The following THSD7A variants were observed in gnomAD, a reference collection of about 807,000 sequenced individuals.
THSD7A encodes thrombospondin type 1 domain containing 7A.
THSD7A carries 96 observed loss-of-function variants against 231.3 expected under a neutral mutation model. The observed-to-expected ratio is 0.41, with a 90% CI of 0.35 to 0.49. The LOEUF is 0.49. Ranked by LOEUF, THSD7A falls within the 20% of genes least tolerant of loss-of-function variation. THSD7A has a pLI of 0.05. For synonymous variants in THSD7A, 940 were observed against 743.3 expected, an observed-to-expected ratio of 1.26 and a Z score of -4.30; for missense variants, 2,290 against 2,070.2, an observed-to-expected ratio of 1.11 and a Z score of -2.06.
chr7:11,763,816 T>G (rs910229499), intron 1 of THSD7A, among the ~76,000 whole-genome samples: 1 of 152,182 alleles, frequency 6.6e-6, no homozygotes, highest in Non-Finnish European at 1.5e-5. Context: ...TATTTATTGC[T>G]CATTTCCTCA....
intron 1 of THSD7A, among the ~76,000 whole-genome samples, chr7:11,719,017 G>C (rs1189342635): frequency 6.6e-6 from 1 of 151,606 alleles, no homozygotes; most frequent in Non-Finnish European, 1.5e-5. Flanking sequence ...GAAAAAAGAA[G>C]AGCAGGACTA....
At chr7:11,475,935 CTTTTTT>C (rs553018024) in intron 7 of THSD7A, among the ~76,000 whole-genome samples, 3 of 110,770 alleles carry the variant, frequency 2.7e-5, no homozygotes, top group African/African-American at 1.0e-4. Context: ...AAATACTTTC[CTTTTTT>C]TTTTTTTTTT....
chr7:11,517,652 C>T (rs753203923), intron 6 of THSD7A, among the ~76,000 whole-genome samples: 1 of 152,086 alleles, frequency 6.6e-6, no homozygotes, highest in Non-Finnish European at 1.5e-5. Flanking sequence ...ACAACTACAC[C>T]ATTTTTAACA....
At chr7:11,722,985 C>A (rs929021107) in intron 1 of THSD7A, among the ~76,000 whole-genome samples, 1 of 151,766 alleles carries the variant, frequency 6.6e-6, no homozygotes, top group Non-Finnish European at 1.5e-5. Flanking sequence ...GGGTATATAC[C>A]CAAAGGATTA....
chr7:11,490,312 T>A (rs964958452), intron 6 of THSD7A, among the ~76,000 whole-genome samples: 1 of 152,130 alleles, frequency 6.6e-6, no homozygotes. Flanking sequence ...ATCATAACTT[T>A]GCATTTTCTT....
chr7:11,712,844 T>C (rs1781011754), intron 1 of THSD7A, among the ~76,000 whole-genome samples: 1 of 151,094 alleles, frequency 6.6e-6, no homozygotes, highest in Non-Finnish European at 1.5e-5. Flanking sequence ...CAAGTTTTCT[T>C]AAAATGTAAG....
At chr7:11,497,946 C>T (rs1052967073) in intron 6 of THSD7A, among the ~76,000 whole-genome samples, 3 of 152,108 alleles carry the variant, frequency 2.0e-5, no homozygotes, top group African/African-American at 7.2e-5. Context: ...CTTTGCAACC[C>T]TTGGGTTAGG....
intron 1 of THSD7A, among the ~76,000 whole-genome samples, chr7:11,803,511 T>C (rs1784329470): frequency 6.6e-6 from 1 of 151,928 alleles, no homozygotes; most frequent in Admixed American, 6.6e-5. Flanking sequence ...AGCTATGAGA[T>C]TGAGAGAGAG....
At chr7:11,436,046 T>A (rs1784623032) in intron 13 of THSD7A, among the ~76,000 whole-genome samples, 1 of 152,098 alleles carries the variant, frequency 6.6e-6, no homozygotes, top group African/African-American at 2.4e-5. Context: ...TCAACCATAA[T>A]AACAAACCTT....
chr7:11,693,161 A>C (rs1257364781), intron 1 of THSD7A, among the ~76,000 whole-genome samples: 3 of 151,582 alleles, frequency 2.0e-5, no homozygotes, highest in Non-Finnish European at 4.4e-5. Context: ...TTAAAGTAGG[A>C]AAAAAATAGT....
At chr7:11,688,475 A>T (rs943593583) in intron 1 of THSD7A, among the ~76,000 whole-genome samples, 1 of 151,852 alleles carries the variant, frequency 6.6e-6, no homozygotes, top group Non-Finnish European at 1.5e-5. Context: ...TCATCCACAC[A>T]TTCAAAATGA....
rs141765382 is a variant in THSD7A, at chr7:11,528,680, C to G, written c.1822+12739G>C. Among the ~76,000 whole-genome samples the G allele has an allele frequency of 3.5e-3, 534 of 152,272 alleles. 8 individuals are homozygous for G. The highest frequency in any genetic ancestry group is 0.012 in the African/African-American group (516 of 41,562). Reference sequence around the variant, plus strand: ...ACCCCTTTTTAGCCTACTAGCAAAACTGGAAGTCAAGAAAGTCAAGAAAAT... The same window carrying G: ...ACCCCTTTTTAGCCTACTAGCAAAAGTGGAAGTCAAGAAAGTCAAGAAAAT... On this transcript the variant is annotated intron_variant, in intron 6 of 27. Coordinates refer to ENST00000423059, the MANE Select transcript of THSD7A (RefSeq NM_015204.3).
chr7:11,631,149 G>C (rs1282594811), intron 2 of THSD7A, among the ~76,000 whole-genome samples: 1 of 152,204 alleles, frequency 6.6e-6, no homozygotes, highest in Admixed American at 6.5e-5. Flanking sequence ...AATAAGAAGA[G>C]CCTTGGATAA....
At chr7:11,566,580 G>A (rs1167363534) in intron 4 of THSD7A, among the ~76,000 whole-genome samples, 1 of 152,150 alleles carries the variant, frequency 6.6e-6, no homozygotes, top group Non-Finnish European at 1.5e-5. Context: ...GTACATTCCA[G>A]AACAGAGCTG....
In THSD7A at chr7:11,444,840, T is replaced by C. The variant is rs1029160105; in HGVS notation, c.3064+1221A>G. ...TATATATATAATTAAACTATATATA[T>C]AATTAAACTATATATATAAAACTAT... On this transcript the variant is annotated intron_variant, in intron 13 of 27. Transcript: ENST00000423059. This position sits in a 1 kb window ranked among gnomAD's most constrained non-coding sequence, Gnocchi z 4.2. Among the ~76,000 whole-genome samples, 1 of 147,762 alleles carries C rather than the reference T, an allele frequency of 6.8e-6. No homozygotes were observed. The highest frequency in any genetic ancestry group is 2.5e-5 in the African/African-American group (1 of 40,726).
intron 1 of THSD7A, among the ~76,000 whole-genome samples, chr7:11,696,990 C>T (rs1382154518): frequency 1.3e-5 from 2 of 151,282 alleles, no homozygotes; most frequent in Non-Finnish European, 3.0e-5. Context: ...GAATATCAAA[C>T]CTTTAAATAG....
chr7:11,565,612 G>T (rs1229228575), intron 4 of THSD7A, among the ~76,000 whole-genome samples: 1 of 136,464 alleles, frequency 7.3e-6, no homozygotes, highest in Non-Finnish European at 1.6e-5. Flanking sequence ...GGAAATGGTT[G>T]TGGGGGTTAG....
intron 6 of THSD7A, among the ~76,000 whole-genome samples, chr7:11,483,654 A>G (rs1786523860): frequency 6.6e-6 from 1 of 152,054 alleles, no homozygotes; most frequent in Non-Finnish European, 1.5e-5. Flanking sequence ...TCTTTTTTCT[A>G]CTAGGCTTTT....
chr7:11,426,580 G>C, intron 15 of THSD7A, 86 bp downstream of exon 15: 1 of 1,364,000 alleles, frequency 7.3e-7, no homozygotes, highest in Non-Finnish European at 9.8e-7. Context: ...AAAAGACAAA[G>C]CAAGAAGAGA....
Sources: allele counts gnomAD v4.1 joint callset (sites outside exome capture counted in the v4.1 genomes callset), GRCh38; gene constraint gnomAD v4.1.1; non-coding constraint Gnocchi (gnomAD v3.1); transcripts MANE v1.5; gene names NCBI Gene and HGNC (gene_info 2026-07-23, HGNC 2026-07-21).